EDIL3: variants seen among roughly 807,000 people sequenced by gnomAD.
EDIL3 encodes the protein EGF like and discoidin domains 3.
In EDIL3, 37 loss-of-function variants were observed where a neutral mutation model predicts 67.4. That is an observed-to-expected ratio of 0.55 (90% CI 0.42 to 0.72). EDIL3 has a LOEUF of 0.72. Ranked by LOEUF, EDIL3 falls within the 30% of genes least tolerant of loss-of-function variation. EDIL3 has a pLI of 0.00. For synonymous variants in EDIL3, 195 were observed against 196.3 expected (o/e 0.99, Z 0.05); for missense variants, 527 against 586.3 (o/e 0.90, Z 1.04).
At chr5:84,273,432 C>T (rs1294039405) in intron 1 of EDIL3, among the ~76,000 whole-genome samples, 3 of 152,096 alleles carry the variant, frequency 2.0e-5, no homozygotes, top group Non-Finnish European at 4.4e-5. Flanking sequence ...TACTTAAGTC[C>T]CTTAATCTCT....
intron 4 of EDIL3, among the ~76,000 whole-genome samples, chr5:84,160,516 C>T (rs987601692): frequency 6.6e-6 from 1 of 152,022 alleles, no homozygotes; most frequent in African/African-American, 2.4e-5. Flanking sequence ...GACATTAAAA[C>T]ATGAATTTTG....
At chr5:84,079,196 T>C (rs1459411058) in intron 6 of EDIL3, among the ~76,000 whole-genome samples, 1 of 152,138 alleles carries the variant, frequency 6.6e-6, no homozygotes, top group Non-Finnish European at 1.5e-5. Flanking sequence ...TCTCACCCTA[T>C]GCTTCTCATC....
At chr5:84,299,903 TCATAA>T (rs1049438458) in intron 1 of EDIL3, among the ~76,000 whole-genome samples, 3 of 152,232 alleles carry the variant, frequency 2.0e-5, no homozygotes, top group South Asian at 2.1e-4. Context: ...ATTCTGAGTA[TCATAA>T]CATATTTGAA....
intron 3 of EDIL3, among the ~76,000 whole-genome samples, chr5:84,200,774 G>A (rs111976560): frequency 0.01 from 1,584 of 152,096 alleles, 33 homozygotes; most frequent in African/African-American, 0.036. Context: ...TGTAGACATC[G>A]ATAGTAAGTA....
chr5:84,090,750 A>G (rs1747150817), intron 6 of EDIL3, among the ~76,000 whole-genome samples: 2 of 151,986 alleles, frequency 1.3e-5, no homozygotes, highest in Non-Finnish European at 2.9e-5. Flanking sequence ...GACCGAGACC[A>G]TCCTGGCCAA....
At position 84,103,434 on chromosome 5, in the gene EDIL3, C is replaced by T. The variant is rs116020646; in HGVS notation, c.651+3215G>A. On this transcript the variant is annotated intron_variant, in intron 6 of 10. Transcript: ENST00000296591. ...AACTATCAACACAGTGAACAGACAA[C>T]CTACCGAATGGAAGAAAACTTTTTC... Among the ~76,000 whole-genome samples, 1,437 of 152,106 alleles carry T rather than the reference C, an allele frequency of 9.4e-3. 7 individuals are homozygous for T. The highest frequency in any genetic ancestry group is 0.017 in the Middle Eastern group (5 of 294).
At chr5:83,991,905 G>T (rs960471705) in intron 9 of EDIL3, among the ~76,000 whole-genome samples, 1 of 152,102 alleles carries the variant, frequency 6.6e-6, no homozygotes, top group South Asian at 2.1e-4. Context: ...CCTATTTGCC[G>T]TCTACGTTTG....
intron 4 of EDIL3, among the ~76,000 whole-genome samples, chr5:84,148,972 CAAA>C (rs60662947): frequency 0.025 from 2,141 of 87,042 alleles, 58 homozygotes; most frequent in African/African-American, 0.093. Context: ...ACAAAAACGA[CAAA>C]AAAAAAAAAA....
chr5:84,132,926 T>TTTTGTTTG (rs912036237), intron 5 of EDIL3, among the ~76,000 whole-genome samples: 1 of 152,008 alleles, frequency 6.6e-6, no homozygotes, highest in Non-Finnish European at 1.5e-5. Flanking sequence ...CCAAGTGTTT[T>TTTTGTTTG]TTTGTTTGTT....
chr5:84,095,261 T>C (rs2112272122), intron 6 of EDIL3, among the ~76,000 whole-genome samples: 1 of 151,840 alleles, frequency 6.6e-6, no homozygotes, highest in Middle Eastern at 3.4e-3. Context: ...ACCAGTAGAG[T>C]GGGGCACTGC....
At chr5:84,020,101 CA>C (rs1745688862) in intron 9 of EDIL3, among the ~76,000 whole-genome samples, 1 of 127,116 alleles carries the variant, frequency 7.9e-6, no homozygotes, top group African/African-American at 2.8e-5. Flanking sequence ...ACGCAACAAA[CA>C]AAACACTTTC....
At chr5:84,229,242 T>C (rs573946835) in intron 3 of EDIL3, among the ~76,000 whole-genome samples, 1 of 152,302 alleles carries the variant, frequency 6.6e-6, no homozygotes, top group East Asian at 1.9e-4. Flanking sequence ...ACATTTGCAT[T>C]CTTCATTGCA....
chr5:83,949,339 A>G (rs1226520041), intron 10 of EDIL3, among the ~76,000 whole-genome samples: 1 of 151,864 alleles, frequency 6.6e-6, no homozygotes, highest in South Asian at 2.1e-4. Context: ...ATGAAAAAAA[A>G]TTCAACCAAA....
intron 3 of EDIL3, among the ~76,000 whole-genome samples, chr5:84,228,949 TG>T (rs1744504793): frequency 1.3e-5 from 2 of 152,264 alleles, no homozygotes; most frequent in South Asian, 4.1e-4. Context: ...TTCCTGCTCT[TG>T]TCTCTCAGGC....
intron 4 of EDIL3, among the ~76,000 whole-genome samples, chr5:84,166,199 T>G (rs189844296): frequency 1.3e-5 from 2 of 152,304 alleles, no homozygotes; most frequent in East Asian, 3.9e-4. Flanking sequence ...ACTGACAATC[T>G]GACAATCTCC....
chr5:84,118,186 A>T (rs1747705237), intron 5 of EDIL3, among the ~76,000 whole-genome samples: 2 of 152,094 alleles, frequency 1.3e-5, no homozygotes, highest in African/African-American at 4.8e-5. Flanking sequence ...ATCCTCTTAA[A>T]CTACAACAAC....
intron 3 of EDIL3, among the ~76,000 whole-genome samples, chr5:84,199,514 G>T (rs562958156): frequency 6.6e-6 from 1 of 152,020 alleles, no homozygotes; most frequent in African/African-American, 2.4e-5. Flanking sequence ...GAATTAAGAT[G>T]CAGATTTCTA....
At chr5:84,346,278 T>G (rs1489584236) in intron 1 of EDIL3, among the ~76,000 whole-genome samples, 1 of 151,704 alleles carries the variant, frequency 6.6e-6, no homozygotes, top group Admixed American at 6.6e-5. Flanking sequence ...CGCAAACTTT[T>G]TTAAATAATA....
chr5:84,247,153 T>C (rs1350952645), intron 2 of EDIL3, among the ~76,000 whole-genome samples: 1 of 152,134 alleles, frequency 6.6e-6, no homozygotes, highest in African/African-American at 2.4e-5. Flanking sequence ...CTCATTATGG[T>C]AACTTCTAGA....
Sources: allele counts gnomAD v4.1 joint callset (sites outside exome capture counted in the v4.1 genomes callset), GRCh38; gene constraint gnomAD v4.1.1; transcripts MANE v1.5; gene names NCBI Gene and HGNC (gene_info 2026-07-23, HGNC 2026-07-21).